Variants in KHDRBS2 observed in about 807,000 individuals in gnomAD.
KHDRBS2 encodes the protein KH RNA binding domain containing, signal transduction associated 2.
Under a neutral mutation model 44.3 loss-of-function variants are expected in KHDRBS2, and 26 were observed. The observed-to-expected ratio is 0.59, with a 90% CI of 0.43 to 0.81. The LOEUF (loss-of-function observed/expected upper bound fraction) is 0.81. Ranked by LOEUF, KHDRBS2 falls within the 40% of genes least tolerant of loss-of-function variation. The probability of loss-of-function intolerance (pLI) is 0.00; values close to 1 mark genes in which losing one functional copy is unlikely to be tolerated. For missense variants in KHDRBS2, 476 were observed against 433.1 expected, an observed-to-expected ratio of 1.10 and a Z score of -0.88; for synonymous variants, 194 against 151.1, an observed-to-expected ratio of 1.28 and a Z score of -2.08.
At chr6:62,055,546 G>A (rs1345578439) in intron 2 of KHDRBS2, among the ~76,000 whole-genome samples, 1 of 151,918 alleles carries the variant, frequency 6.6e-6, no homozygotes, top group Non-Finnish European at 1.5e-5. Flanking sequence ...TTTACCTTAT[G>A]CCTCAGCAAT....
intron 4 of KHDRBS2, among the ~76,000 whole-genome samples, chr6:61,912,535 AG>A (rs1041505145): frequency 5.3e-5 from 8 of 152,256 alleles, no homozygotes; most frequent in Non-Finnish European, 7.4e-5. Flanking sequence ...CCTTTCTAGC[AG>A]GGGCAAATCA....
At chr6:61,542,826 A>G in the KHDRBS2 span, among the ~76,000 whole-genome samples, 1 of 152,054 alleles carries the variant, frequency 6.6e-6, no homozygotes, top group African/African-American at 2.4e-5. Context: ...CAAAACTCAC[A>G]GAGTCAGAAA....
chr6:62,112,947 G>T (rs1245550249), intron 2 of KHDRBS2, among the ~76,000 whole-genome samples: 1 of 151,978 alleles, frequency 6.6e-6, no homozygotes, highest in African/African-American at 2.4e-5. Context: ...TCATCAATCC[G>T]TTCACCTATC....
chr6:61,848,484 T>TATATATAC (rs1794774165), intron 6 of KHDRBS2, among the ~76,000 whole-genome samples: 1 of 48,218 alleles, frequency 2.1e-5, no homozygotes, highest in African/African-American at 1.5e-4. Flanking sequence ...TATATATATA[T>TATATATAC]ATATATGTAT....
chr6:61,586,752 C>T, the KHDRBS2 span, among the ~76,000 whole-genome samples: 2 of 151,942 alleles, frequency 1.3e-5, no homozygotes, highest in Non-Finnish European at 2.9e-5. Flanking sequence ...ATAAAGCCAG[C>T]CCAGAAAAAA....
chr6:61,786,637 G>A (rs1381864828), intron 6 of KHDRBS2, among the ~76,000 whole-genome samples: 1 of 151,944 alleles, frequency 6.6e-6, no homozygotes, highest in Non-Finnish European at 1.5e-5. Flanking sequence ...AGGGAATTAG[G>A]TGGGATCAGG....
intron 6 of KHDRBS2, among the ~76,000 whole-genome samples, chr6:61,783,241 A>C (rs935054707): frequency 6.6e-6 from 1 of 152,064 alleles, no homozygotes; most frequent in African/African-American, 2.4e-5. Context: ...TTTCCTATAC[A>C]TTCTCACAGA....
chr6:62,135,752 G>A (rs534671956), intron 2 of KHDRBS2, among the ~76,000 whole-genome samples: 3 of 152,052 alleles, frequency 2.0e-5, no homozygotes, highest in Non-Finnish European at 2.9e-5. Flanking sequence ...AAAGGAAAGA[G>A]ATCCTGCCAT....
At chr6:62,257,163 T>G (rs1837517724) in intron 1 of KHDRBS2, among the ~76,000 whole-genome samples, 1 of 152,074 alleles carries the variant, frequency 6.6e-6, no homozygotes, top group African/African-American at 2.4e-5. Flanking sequence ...ACATTGGCAA[T>G]GTAGATCTTC....
chr6:62,066,733 T>C (rs1367909408), intron 2 of KHDRBS2, among the ~76,000 whole-genome samples: 4 of 151,646 alleles, frequency 2.6e-5, no homozygotes, highest in African/African-American at 9.7e-5. Flanking sequence ...CTAGGGGACA[T>C]AGAAGCAAAT....
At chr6:62,127,666 T>C (rs1319582067) in intron 2 of KHDRBS2, among the ~76,000 whole-genome samples, 1 of 152,162 alleles carries the variant, frequency 6.6e-6, no homozygotes, top group Non-Finnish European at 1.5e-5. Context: ...TTCTACTAAT[T>C]TGTCTTAATT....
At chr6:62,269,983 C>T (rs1013513007) in intron 1 of KHDRBS2, among the ~76,000 whole-genome samples, 1 of 152,120 alleles carries the variant, frequency 6.6e-6, no homozygotes, top group African/African-American at 2.4e-5. Context: ...GAAGAGTATA[C>T]ACTACATTAT....
intron 3 of KHDRBS2, among the ~76,000 whole-genome samples, chr6:62,030,840 C>T (rs542468082): frequency 3.9e-5 from 6 of 152,120 alleles, no homozygotes; most frequent in East Asian, 1.9e-4. Context: ...ATATATAAAT[C>T]GTCATAGTAG....
the KHDRBS2 span, among the ~76,000 whole-genome samples, chr6:61,670,524 T>C: frequency 2.6e-5 from 4 of 151,538 alleles, no homozygotes; most frequent in East Asian, 5.9e-4. Flanking sequence ...AAATTCAACA[T>C]TAATTTCATT....
chr6:61,722,165 G>C (rs962409418), intron 7 of KHDRBS2, among the ~76,000 whole-genome samples: 2 of 152,106 alleles, frequency 1.3e-5, no homozygotes, highest in African/African-American at 4.8e-5. Flanking sequence ...TTGATGTGCT[G>C]CTGGATTCGG....
chr6:61,650,411 T>A, the KHDRBS2 span, among the ~76,000 whole-genome samples: 1 of 25,742 alleles, frequency 3.9e-5, no homozygotes, highest in African/African-American at 1.6e-4. Flanking sequence ...AAAAAAATGT[T>A]TTTTTTTTTT....
chr6:62,117,870 G>T (rs1188344830), intron 2 of KHDRBS2, among the ~76,000 whole-genome samples: 1 of 151,884 alleles, frequency 6.6e-6, no homozygotes, highest in Non-Finnish European at 1.5e-5. Flanking sequence ...CTGCCTCCTC[G>T]GTTTAAGTGA....
intron 7 of KHDRBS2, among the ~76,000 whole-genome samples, chr6:61,709,187 G>T (rs755426295): frequency 4.0e-5 from 6 of 151,568 alleles, no homozygotes; most frequent in African/African-American, 9.7e-5. Context: ...ATGCATAAAG[G>T]TTGCAGCACT....
intron 1 of KHDRBS2, among the ~76,000 whole-genome samples, chr6:62,189,846 G>C (rs1337131558): frequency 6.6e-6 from 1 of 152,140 alleles, no homozygotes; most frequent in African/African-American, 2.4e-5. Flanking sequence ...AACAGGCTTG[G>C]CTGGGAAAAA....
Sources: gnomAD v4.1 joint callset for allele counts (sites outside exome capture counted in the v4.1 genomes callset) on GRCh38, gnomAD v4.1.1 for gene constraint, MANE v1.5 for transcripts, NCBI Gene and HGNC (gene_info 2026-07-23, HGNC 2026-07-21) for gene names.